PRKD1: variants seen among roughly 807,000 people sequenced by gnomAD.
The protein encoded by PRKD1 is protein kinase D1.
Under a neutral mutation model 95.9 loss-of-function variants are expected in PRKD1, and 63 were observed. That is an observed-to-expected ratio of 0.66 (90% CI 0.54 to 0.81). The LOEUF (loss-of-function observed/expected upper bound fraction) is 0.81. PRKD1 is among the 30% of genes least tolerant of loss of function. PRKD1 has a pLI of 0.00. For missense variants in PRKD1, 1,048 were observed against 1,165.3 expected (o/e 0.90, Z 1.47); for synonymous variants, 425 against 423.1 (o/e 1.00, Z -0.05).
intron 2 of PRKD1, among the ~76,000 whole-genome samples, chr14:29,714,953 C>A (rs556050136): frequency 6.6e-6 from 1 of 151,970 alleles, no homozygotes; most frequent in South Asian, 2.1e-4. Flanking sequence ...ACACCGGGGC[C>A]CGTTGGGGGA....
chr14:29,858,519 C>T (rs751810854), intron 1 of PRKD1, among the ~76,000 whole-genome samples: 24 of 152,200 alleles, frequency 1.6e-4, no homozygotes, highest in Non-Finnish European at 2.8e-4. Flanking sequence ...AACATGACTA[C>T]GTTCTGAGCT....
At chr14:29,751,799 G>A (rs940828689) in intron 1 of PRKD1, among the ~76,000 whole-genome samples, 4 of 152,156 alleles carry the variant, frequency 2.6e-5, no homozygotes, top group East Asian at 1.9e-4. Flanking sequence ...TGGCTAATGC[G>A]ATATAAGCAA....
chr14:29,721,812 A>G (rs45481492), intron 2 of PRKD1, among the ~76,000 whole-genome samples: 6,837 of 152,044 alleles, frequency 0.045, 241 homozygotes, highest in African/African-American at 0.088. Context: ...TGCAGTTGTT[A>G]TTTTTTTCCT....
rs538498023 is a variant in PRKD1 at position 29,746,129 on chromosome 14, G to T, written c.265-20455C>A. ...CACACTAAAGCAGCACACTTCCCCA[G>T]TGTGGAACCTCCAGGTCTCTGAGGG... On this transcript the variant is annotated intron_variant, in intron 1 of 17. Transcript: ENST00000331968. Among the ~76,000 whole-genome samples, 12 of 152,240 alleles carry T rather than the reference G, an allele frequency of 7.9e-5. No individual in the cohort carries two copies. The South Asian group carries it at 1.0e-3, about 13-fold the overall frequency.
chr14:29,595,075 A>C (rs948396082), intron 16 of PRKD1, among the ~76,000 whole-genome samples: 1 of 151,586 alleles, frequency 6.6e-6, no homozygotes, highest in Non-Finnish European at 1.5e-5. Flanking sequence ...AGCCATAAGG[A>C]GGTACTGAGT....
intron 1 of PRKD1, among the ~76,000 whole-genome samples, chr14:29,832,618 C>T (rs1891457008): frequency 6.6e-6 from 1 of 151,778 alleles, no homozygotes; most frequent in African/African-American, 2.4e-5. Context: ...AAATGGACAC[C>T]CTTATTTGTA....
intron 2 of PRKD1, among the ~76,000 whole-genome samples, chr14:29,697,648 C>A (rs1176927116): frequency 6.6e-6 from 1 of 151,972 alleles, no homozygotes; most frequent in Non-Finnish European, 1.5e-5. Context: ...TATAAAATGT[C>A]GTTTCATGAA....
chr14:29,597,666 C>G lies in PRKD1; in HGVS notation c.2259G>C (p.Glu753Asp). 6.2e-7 allele frequency: 1 copy of G among 1,614,000 alleles called. No individual in the cohort carries two copies. Among genetic ancestry groups the G allele is most frequent in the Non-Finnish European group, 8.5e-7 (1 of 1,179,966 alleles). The change falls in exon 16 of 18, where the codon GAG becomes GAC. Residue 753 changes from glutamate (E) to aspartate (D), a missense_variant. Around this residue, in one of 3 missense-constraint regions of PRKD1, gnomAD observed 739 missense variants for 861.9 expected, o/e 0.86. Coordinates refer to ENST00000331968, the MANE Select transcript of PRKD1 (RefSeq NM_002742.3). The stretch of plus-strand genomic sequence containing the variant: ...GATTGTAGCCCTTGTTCCTTAGGAC[C>G]TCAGGAGCCAGGTAAGCGGGGGTAC... ...VVGTPAYLAP[E>D]VLRNKGYNRS... is the part of the protein sequence containing the mutation.
In PRKD1 at chr14:29,624,172, T is replaced by A; in HGVS notation, c.1885A>T (p.Asn629Tyr). 2 of 1,605,858 alleles carry A rather than the reference T, an allele frequency of 1.2e-6. No individual in the cohort carries two copies. Among genetic ancestry groups the A allele is most frequent in the Non-Finnish European group, 1.7e-6 (2 of 1,175,594 alleles). The change falls in exon 13 of 18, where the codon AAT becomes TAT. Residue 629 changes from asparagine (N) to tyrosine (Y), a missense_variant. Coordinates refer to ENST00000331968, the MANE Select transcript of PRKD1 (RefSeq NM_002742.3). ...AGTACCTGTAGAATTGCAACCTCAT[T>A]ACGAAGCTGGCTTTCTTGTTTTGTT... ...FPTKQESQLR[N>Y]EVAILQNLHH...
At chr14:29,797,501 TC>T (rs1341744360) in intron 1 of PRKD1, among the ~76,000 whole-genome samples, 12 of 152,234 alleles carry the variant, frequency 7.9e-5, no homozygotes, top group Non-Finnish European at 1.8e-4. Context: ...TATCATCTGA[TC>T]CTGCTCTAAC....
intron 16 of PRKD1, among the ~76,000 whole-genome samples, chr14:29,585,419 T>C (rs570433044): frequency 1.3e-5 from 2 of 152,352 alleles, no homozygotes; most frequent in South Asian, 4.1e-4. Context: ...ATTCTATCAA[T>C]GGTTACTCCT....
At chr14:29,893,386 T>C (rs895571150) in intron 1 of PRKD1, among the ~76,000 whole-genome samples, 2 of 142,954 alleles carry the variant, frequency 1.4e-5, no homozygotes, top group Non-Finnish European at 3.0e-5. Flanking sequence ...AAAAGTTATT[T>C]ATAATAGAAA....
intron 2 of PRKD1, among the ~76,000 whole-genome samples, chr14:29,724,123 T>A (rs753752759): frequency 2.0e-5 from 3 of 152,190 alleles, no homozygotes; most frequent in Non-Finnish European, 4.4e-5. Context: ...AGTCCTCTCC[T>A]ACATAAATAC....
chr14:29,578,074 T>G (rs1326051966), intron 17 of PRKD1, among the ~76,000 whole-genome samples: 1 of 152,100 alleles, frequency 6.6e-6, no homozygotes, highest in South Asian at 2.1e-4. Context: ...GTATCTCTTC[T>G]ATCAAATTAT....
intron 16 of PRKD1, among the ~76,000 whole-genome samples, chr14:29,581,724 ATGTG>A (rs1002780610): frequency 1.8e-4 from 27 of 152,162 alleles, no homozygotes; most frequent in Non-Finnish European, 3.8e-4. Context: ...GAACGCAAGG[ATGTG>A]TGTGTATGTG....
chr14:29,616,146 A>G (rs1478130699), intron 13 of PRKD1, among the ~76,000 whole-genome samples: 2 of 151,168 alleles, frequency 1.3e-5, no homozygotes, highest in Admixed American at 1.3e-4. Flanking sequence ...TAGAGGAGCT[A>G]GCAAGGAAGG....
chr14:29,615,034 A>G lies in PRKD1; in HGVS notation c.1905+9118T>C, dbSNP rs1159253215. ...GCCAATATACACATATTTTTATTGC[A>G]AAGAATTATGAAAGGTAGAGCAAGA... is the stretch of plus-strand genomic sequence containing the variant. On this transcript the variant is annotated intron_variant, in intron 13 of 17. Transcript: ENST00000331968. Among the ~76,000 whole-genome samples the G allele has an allele frequency of 3.3e-5, 5 of 152,166 alleles. No individual in the cohort carries two copies. The South Asian group carries it at 6.2e-4, about 19-fold the overall frequency.
chr14:29,644,426 GGA>G (rs1014696244), intron 4 of PRKD1, among the ~76,000 whole-genome samples: 22 of 152,088 alleles, frequency 1.4e-4, no homozygotes, highest in Non-Finnish European at 1.6e-4. Flanking sequence ...ATAGTAATTT[GGA>G]GAGGACAGCG....
intron 1 of PRKD1, among the ~76,000 whole-genome samples, chr14:29,768,917 T>C (rs1471266193): frequency 6.6e-6 from 1 of 152,172 alleles, no homozygotes. Context: ...TAGCATGATG[T>C]GCGTTATCCA....
Sources: gnomAD v4.1 joint callset for allele counts (sites outside exome capture counted in the v4.1 genomes callset) on GRCh38, gnomAD v4.1.1 for gene constraint, gnomAD v4.1.1 regional missense constraint, MANE v1.5 for transcripts, NCBI Gene and HGNC (gene_info 2026-07-23, HGNC 2026-07-21) for gene names.